AFDN: variants seen among roughly 807,000 people sequenced by gnomAD.
The protein encoded by AFDN is afadin.
A neutral mutation model predicts 216.6 loss-of-function variants in AFDN; 68 were observed. The ratio of observed to expected loss-of-function variants is 0.31; its 90% CI spans 0.26 to 0.38. The LOEUF (loss-of-function observed/expected upper bound fraction) is 0.38, where lower values mean the gene tolerates loss of function less well. Ranked by LOEUF, AFDN falls within the 10% of genes least tolerant of loss-of-function variation. The pLI, the probability that AFDN is intolerant of heterozygous loss-of-function variation, is 1.00. For synonymous variants in AFDN, 868 were observed against 853.7 expected (o/e 1.02, Z -0.29); for missense variants, 2,136 against 2,342.0 (o/e 0.91, Z 1.82).
intron 2 of AFDN, among the ~76,000 whole-genome samples, chr6:167,865,359 C>T (rs1341077807): frequency 6.6e-6 from 1 of 151,982 alleles, no homozygotes; most frequent in Non-Finnish European, 1.5e-5. Context: ...TAGGTAAGTG[C>T]CATGGCTTAT....
chr6:167,898,197 G>A lies in AFDN; in HGVS notation c.1318-8G>A, dbSNP rs774488216. On this transcript the variant is annotated splice_region_variant and splice_polypyrimidine_tract_variant and intron_variant, in intron 10 of 33. Coordinates refer to ENST00000683244, the MANE Select transcript of AFDN (RefSeq NM_001386888.1). ...ATGGGAGTTTCTTTGGTTTCCTTCG[G>A]TTTCCAGTTGTTTGGCCCAGGAATT... is the stretch of plus-strand genomic sequence containing the variant. 3.7e-6 allele frequency: 6 copies of A among 1,612,382 alleles called. No individual in the cohort carries two copies. In the Admixed American group the frequency reaches 1.0e-4, roughly 27 times the overall value.
At chr6:167,846,706 C>A (rs562215234) in intron 1 of AFDN, among the ~76,000 whole-genome samples, 112 of 139,128 alleles carry the variant, frequency 8.1e-4, no homozygotes, top group Middle Eastern at 4.0e-3. Context: ...AAAAAAAAAA[C>A]CAAGTTGTTT....
intron 30 of AFDN, among the ~76,000 whole-genome samples, chr6:167,955,368 T>A (rs1796392552): frequency 6.6e-6 from 1 of 152,164 alleles, no homozygotes. Flanking sequence ...CCTTCCCTCC[T>A]TGGTGATTGG....
At chr6:167,844,525 C>T (rs1290719349) in intron 1 of AFDN, among the ~76,000 whole-genome samples, 3 of 152,134 alleles carry the variant, frequency 2.0e-5, no homozygotes, top group Admixed American at 2.0e-4. Flanking sequence ...ACTGTTTCCA[C>T]AGTACACTGT....
chr6:167,872,908 CAG>C (rs1784941045), intron 4 of AFDN, among the ~76,000 whole-genome samples: 2 of 152,174 alleles, frequency 1.3e-5, no homozygotes, highest in South Asian at 4.1e-4. Flanking sequence ...GGATCTGACA[CAG>C]AGCTGAGGGA....
chr6:167,948,503 CTT>C, intron 29 of AFDN, 25 bp downstream of exon 29: 1 of 1,599,912 alleles, frequency 6.3e-7, no homozygotes, highest in Non-Finnish European at 8.6e-7. Flanking sequence ...ATTCCACACA[CTT>C]TTCTCACCTC....
At chr6:167,875,273 T>C (rs1785226443) in intron 4 of AFDN, 62 bp from the exon 5 acceptor site, 2 of 1,511,200 alleles carry the variant, frequency 1.3e-6, no homozygotes, top group Admixed American at 1.9e-5. Context: ...GCGGTTGCAA[T>C]GTGTCTATTT....
At chr6:167,843,575 G>A (rs1187262715) in intron 1 of AFDN, among the ~76,000 whole-genome samples, 1 of 152,228 alleles carries the variant, frequency 6.6e-6, no homozygotes, top group African/African-American at 2.4e-5. Context: ...AGAAATTAAT[G>A]AAAGTTGATC....
rs767998358 is a variant in AFDN at position 167,951,914 on chromosome 6, C to T, written c.4560C>T (p.Pro1520=). The T allele has an allele frequency of 5.0e-6, 8 of 1,613,918 alleles. No individual in the cohort carries two copies. The highest frequency in any genetic ancestry group is 1.6e-4 in the Middle Eastern group (1 of 6,084). ...EELSSGDSLS[P]DPWKRDAKEK... ...TTTCCTCGGGGGACAGTCTGTCCCC[C>T]GACCCGTGGAAGCGGGACGCCAAGG... The change falls in exon 30 of 34, where the codon CCC becomes CCT. Residue 1520 remains proline, a synonymous_variant. Transcript: ENST00000683244. The surrounding 1 kb of genome is among the most constrained non-coding windows in gnomAD (Gnocchi z 7.1).
At chr6:167,964,405 G>A in intron 31 of AFDN, 5 of 1,064,762 alleles carry the variant, frequency 4.7e-6, no homozygotes, top group Non-Finnish European at 5.7e-6. Context: ...CCATTTAAAA[G>A]CCACAAGAAG....
Position 167,951,829 on chromosome 6 carries a change from A to G in AFDN, c.4475A>G (p.Gln1492Arg), listed in dbSNP as rs757735934. The G allele has an allele frequency of 3.1e-6, 5 of 1,614,042 alleles. No individual in the cohort carries two copies. The East Asian group carries it at 8.9e-5, about 29-fold the overall frequency. ...ETVIRELQPQQQPRTIERRDL... is the reference protein window; with the variant it reads ...ETVIRELQPQRQPRTIERRDL... Reference sequence around the variant, plus strand: ...GTCATTCGGGAGCTGCAGCCTCAGCAGCAGCCCCGCACGATCGAGCGCAGA... The same window carrying G: ...GTCATTCGGGAGCTGCAGCCTCAGCGGCAGCCCCGCACGATCGAGCGCAGA... Residue 1492 changes from glutamine (Q) to arginine (R), a missense_variant, in exon 30 of 34, where the codon CAG becomes CGG. This residue lies in a region of AFDN where 981 missense variants were observed against 966.0 expected (regional missense o/e 1.02). Coordinates refer to ENST00000683244, the MANE Select transcript of AFDN (RefSeq NM_001386888.1). The surrounding 1 kb of genome is among the most constrained non-coding windows in gnomAD (Gnocchi z 7.1).
At chr6:167,964,729 A>C in intron 31 of AFDN, 3 of 1,065,528 alleles carry the variant, frequency 2.8e-6, no homozygotes, top group Non-Finnish European at 3.4e-6. Context: ...CTTTTCACTG[A>C]ATGCCAGCAA....
At chr6:167,965,432 C>T (rs998842605) in intron 31 of AFDN, among the ~76,000 whole-genome samples, 2 of 152,008 alleles carry the variant, frequency 1.3e-5, no homozygotes, top group African/African-American at 4.8e-5. Flanking sequence ...GTAACAGGAG[C>T]GTGGAGGAAG....
intron 1 of AFDN, among the ~76,000 whole-genome samples, chr6:167,860,407 T>G (rs1314269577): frequency 1.3e-5 from 2 of 152,196 alleles, no homozygotes; most frequent in Non-Finnish European, 2.9e-5. Context: ...GAGCATTGTA[T>G]TGGATCCTGA....
intron 2 of AFDN, among the ~76,000 whole-genome samples, chr6:167,867,907 T>C (rs1283135336): frequency 6.6e-6 from 1 of 152,212 alleles, no homozygotes; most frequent in Non-Finnish European, 1.5e-5. Flanking sequence ...TGGTAAACTA[T>C]TGCTCATTTA....
chr6:167,912,126 T>C (rs1790480159), intron 15 of AFDN: 2 of 152,364 alleles, frequency 1.3e-5, no homozygotes, highest in African/African-American at 4.8e-5. Context: ...TAAACCTGTT[T>C]TCAAAATTTC....
chr6:167,915,565 G>A (rs1175350374), intron 19 of AFDN, 132 bp downstream of exon 19: 2 of 1,044,928 alleles, frequency 1.9e-6, no homozygotes, highest in African/African-American at 3.2e-5. Context: ...TACAAATAAT[G>A]AAGTAGTGCT....
At chr6:167,828,774 A>ATT (rs572955536) in intron 1 of AFDN, among the ~76,000 whole-genome samples, 12 of 132,672 alleles carry the variant, frequency 9.0e-5, no homozygotes, top group South Asian at 4.8e-4. Context: ...GTTTGAATGG[A>ATT]TTTTTTTTTT....
At chr6:167,888,221 T>C (rs142232938) in intron 6 of AFDN, among the ~76,000 whole-genome samples, 263 of 152,334 alleles carry the variant, frequency 1.7e-3, no homozygotes, top group Non-Finnish European at 2.9e-3. Context: ...TAATTTATGA[T>C]AAGGTGTGTT....
Sources: allele counts gnomAD v4.1 joint callset (sites outside exome capture counted in the v4.1 genomes callset), GRCh38; gene constraint gnomAD v4.1.1; regional missense constraint gnomAD v4.1.1; non-coding constraint Gnocchi (gnomAD v3.1); transcripts MANE v1.5; gene names NCBI Gene and HGNC (gene_info 2026-07-23, HGNC 2026-07-21).